The following CDH4 variants were observed in gnomAD, a reference collection of about 807,000 sequenced individuals.
The protein encoded by CDH4 is cadherin-4.
Under a neutral mutation model 86.0 loss-of-function variants are expected in CDH4, and 33 were observed. That is an observed-to-expected ratio of 0.38 (90% CI 0.29 to 0.51). The LOEUF is 0.51. CDH4 is among the 20% of genes least tolerant of loss of function. The pLI, the probability that CDH4 is intolerant of heterozygous loss-of-function variation, is 0.86. For missense variants in CDH4, 1,114 were observed against 1,307.4 expected, an observed-to-expected ratio of 0.85 and a Z score of 2.28; for synonymous variants, 555 against 549.4, an observed-to-expected ratio of 1.01 and a Z score of -0.14.
intron 2 of CDH4, among the ~76,000 whole-genome samples, chr20:61,383,477 A>G (rs1375976186): frequency 1.0e-5 from 1 of 95,828 alleles, no homozygotes; most frequent in Non-Finnish European, 1.9e-5. Context: ...ATATGAATAT[A>G]TATGATATAT....
At chr20:61,610,584 G>T (rs2427182) in intron 2 of CDH4, among the ~76,000 whole-genome samples, 2 of 152,120 alleles carry the variant, frequency 1.3e-5, no homozygotes, top group Admixed American at 6.5e-5. Flanking sequence ...GTGCTGTTCT[G>T]GAGGCGGTGG....
chr20:61,353,181 T>C (rs4468878), intron 2 of CDH4, among the ~76,000 whole-genome samples: 77,717 of 152,012 alleles, frequency 0.51, 20,403 homozygotes, highest in Middle Eastern at 0.69. Context: ...GTGGAAAGCA[T>C]ATACATGATG....
intron 4 of CDH4, among the ~76,000 whole-genome samples, chr20:61,793,637 C>G (rs970093345): frequency 6.8e-6 from 1 of 147,060 alleles, no homozygotes; most frequent in African/African-American, 2.5e-5. Context: ...GTCAGGAGTT[C>G]AAGACCAGCC....
chr20:61,434,224 C>T (rs1043380681), intron 2 of CDH4, among the ~76,000 whole-genome samples: 4 of 152,324 alleles, frequency 2.6e-5, no homozygotes, highest in Admixed American at 2.6e-4. Context: ...TGGCCTGCAG[C>T]TCACACCCAC....
intron 11 of CDH4, among the ~76,000 whole-genome samples, chr20:61,924,709 G>GC (rs1161445330): frequency 4.5e-4 from 69 of 151,796 alleles, no homozygotes; most frequent in Middle Eastern, 6.8e-3. Flanking sequence ...CATTCATTCT[G>GC]CCCCCTCCCC....
At chr20:61,757,409 C>A (rs2145964142) in intron 3 of CDH4, among the ~76,000 whole-genome samples, 1 of 152,338 alleles carries the variant, frequency 6.6e-6, no homozygotes, top group East Asian at 1.9e-4. Context: ...CTGAGAAGTT[C>A]AAACTTAGCC....
In CDH4 at chr20:61,813,567, G is replaced by A. The variant is rs148251741; in HGVS notation, c.577-31101G>A. Among the ~76,000 whole-genome samples the A allele has an allele frequency of 9.6e-3, 1,457 of 152,206 alleles. 25 individuals are homozygous for A. The highest frequency in any genetic ancestry group is 0.031 in the African/African-American group (1,274 of 41,522). On this transcript the variant is annotated intron_variant, in intron 4 of 15. Coordinates refer to ENST00000614565, the MANE Select transcript of CDH4 (RefSeq NM_001794.5). Reference sequence around the variant, plus strand: ...TAATTCCAAATGCTGTATAAGCATCGCATCCCCAGCTTCTGGGGCTGGGCC... The same window carrying A: ...TAATTCCAAATGCTGTATAAGCATCACATCCCCAGCTTCTGGGGCTGGGCC...
chr20:61,502,067 C>T (rs2085705837), intron 2 of CDH4, among the ~76,000 whole-genome samples: 2 of 140,976 alleles, frequency 1.4e-5, no homozygotes, highest in Admixed American at 1.5e-4. Context: ...CAAACTTGTG[C>T]AAATGAAGAA....
intron 2 of CDH4, among the ~76,000 whole-genome samples, chr20:61,583,366 C>T (rs1256532942): frequency 6.6e-6 from 1 of 151,946 alleles, no homozygotes; most frequent in South Asian, 2.1e-4. Flanking sequence ...TGGTGCTGGC[C>T]CCATGGTCAT....
rs111228380 is a variant in CDH4, at chr20:61,751,981, G to A, written c.396+8192G>A. 3.8e-3 allele frequency among the ~76,000 whole-genome samples: 576 copies of A among 152,310 alleles called. 1 individual carries two copies. Among genetic ancestry groups the A allele is most frequent in the African/African-American group, 0.013 (539 of 41,562 alleles). On this transcript the variant is annotated intron_variant, in intron 3 of 15. Transcript: ENST00000614565. ...ACCCCCGGGTGTGGAAAGCTTCCTC[G>A]CACATGGCACGTGAAGCGTGAAACA...
intron 2 of CDH4, among the ~76,000 whole-genome samples, chr20:61,680,028 A>T (rs1278488586): frequency 1.3e-5 from 2 of 152,224 alleles, no homozygotes; most frequent in African/African-American, 4.8e-5. Context: ...GCCTGTCCAC[A>T]GCCTGGGGCA....
chr20:61,630,552 T>A (rs1172196640), intron 2 of CDH4, among the ~76,000 whole-genome samples: 2 of 152,140 alleles, frequency 1.3e-5, no homozygotes, highest in African/African-American at 4.8e-5. Flanking sequence ...GGATCCAGGC[T>A]CCCCGTTTTG....
intron 2 of CDH4, among the ~76,000 whole-genome samples, chr20:61,412,334 G>A (rs73148285): frequency 0.045 from 6,839 of 152,296 alleles, 206 homozygotes; most frequent in Middle Eastern, 0.1. Context: ...GTGAGCAAGG[G>A]CATGTTGGTA....
chr20:61,490,312 C>G (rs541981661), intron 2 of CDH4, among the ~76,000 whole-genome samples: 1 of 152,142 alleles, frequency 6.6e-6, no homozygotes, highest in Non-Finnish European at 1.5e-5. Flanking sequence ...CATGGCTGAG[C>G]CTTGAAAACA....
At chr20:61,519,414 G>A (rs2085851343) in intron 2 of CDH4, among the ~76,000 whole-genome samples, 1 of 152,228 alleles carries the variant, frequency 6.6e-6, no homozygotes, top group Admixed American at 6.5e-5. Context: ...GCACATGCAG[G>A]TGCCGGCGGG....
rs34309371 is a variant in CDH4 at position 61,534,665 on chromosome 20, C to CTTTTTTTT, written c.170-208883_170-208876dup. On this transcript the variant is annotated intron_variant, in intron 2 of 15. Coordinates refer to ENST00000614565, the MANE Select transcript of CDH4 (RefSeq NM_001794.5). ...CTTTCTTTCTTTTCTTTCTTTCTTTCTTTTTTTTTTTTTTTTTTTTTTGAG... is the reference window on the plus strand; with the variant it reads ...CTTTCTTTCTTTTCTTTCTTTCTTTCTTTTTTTTTTTTTTTTTTTTTTTTTTTTTTGAG... Among the ~76,000 whole-genome samples the CTTTTTTTT allele has an allele frequency of 1.5e-3, 117 of 75,976 alleles. 5 individuals carry two copies. Among genetic ancestry groups the CTTTTTTTT allele is most frequent in the African/African-American group, 8.3e-3 (77 of 9,308 alleles). The allele number at this position is 75,976 out of a possible 152,430, so 49.8% of individuals were successfully genotyped here. A position where few individuals can be genotyped will look rare whatever the true frequency, so the allele number is the denominator to read the frequency against.
intron 2 of CDH4, among the ~76,000 whole-genome samples, chr20:61,454,000 C>T (rs1397352086): frequency 5.3e-5 from 8 of 152,212 alleles, no homozygotes; most frequent in African/African-American, 1.9e-4. Context: ...TTGTAAGTTT[C>T]CTGAGGCCTC....
chr20:61,770,045 C>T (rs993454330), intron 3 of CDH4, among the ~76,000 whole-genome samples: 6 of 152,144 alleles, frequency 3.9e-5, no homozygotes, highest in Admixed American at 1.3e-4. Flanking sequence ...CTGGTCTGGG[C>T]GAGGAAAGCA....
chr20:61,846,267 G>C (rs1335400049), intron 5 of CDH4, among the ~76,000 whole-genome samples: 1 of 152,242 alleles, frequency 6.6e-6, no homozygotes, highest in Non-Finnish European at 1.5e-5. Flanking sequence ...GACAGTGCCT[G>C]GGCTTCGTGT....
Sources: gnomAD v4.1 joint callset for allele counts (sites outside exome capture counted in the v4.1 genomes callset) on GRCh38, gnomAD v4.1.1 for gene constraint, MANE v1.5 for transcripts, NCBI Gene and HGNC (gene_info 2026-07-23, HGNC 2026-07-21) for gene names.